The following PTPN2 variants were observed in gnomAD, a reference collection of about 807,000 sequenced individuals.
The protein encoded by PTPN2 is tyrosine-protein phosphatase non-receptor type 2.
A neutral mutation model predicts 57.3 loss-of-function variants in PTPN2; 19 were observed. That is an observed-to-expected ratio of 0.33 (90% CI 0.23 to 0.49). The LOEUF (loss-of-function observed/expected upper bound fraction) is 0.49. Among genes scored for constraint, PTPN2 ranks in the 20% least tolerant of loss-of-function variants. The probability of loss-of-function intolerance (pLI) is 0.99; values close to 1 mark genes in which losing one functional copy is unlikely to be tolerated. For synonymous variants in PTPN2, 153 were observed against 164.9 expected (o/e 0.93, Z 0.55); for missense variants, 358 against 501.1 (o/e 0.71, Z 2.73).
chr18:12,817,123 T>G, intron 6 of PTPN2, 33 bp downstream of exon 6: 1,878 of 1,549,254 alleles, frequency 1.2e-3, no homozygotes, highest in Non-Finnish European at 1.5e-3. Context: ...AAAAAATCAA[T>G]GAGATTAAAA....
At chr18:12,847,914 A>T (rs1598842448) in intron 2 of PTPN2, among the ~76,000 whole-genome samples, 1 of 135,174 alleles carries the variant, frequency 7.4e-6, no homozygotes, top group African/African-American at 3.4e-5. Context: ...TGAATATTTA[A>T]AAAAAAAAAA....
chr18:12,844,700 C>T (rs2043157754), intron 2 of PTPN2, among the ~76,000 whole-genome samples: 2 of 152,148 alleles, frequency 1.3e-5, no homozygotes, highest in South Asian at 4.1e-4. Context: ...AGTCTGTACT[C>T]ATCTTTTTGT....
intron 8 of PTPN2, among the ~76,000 whole-genome samples, chr18:12,796,340 C>A (rs2041184704): frequency 6.6e-6 from 1 of 152,130 alleles, no homozygotes; most frequent in African/African-American, 2.4e-5. Flanking sequence ...TTAAAAGTCA[C>A]TGAATTGTAT....
chr18:12,861,173 G>C (rs1009075089), intron 1 of PTPN2, among the ~76,000 whole-genome samples: 1 of 152,150 alleles, frequency 6.6e-6, no homozygotes. Flanking sequence ...GAAACATGAT[G>C]CACAAATTTC....
intron 4 of PTPN2, among the ~76,000 whole-genome samples, chr18:12,827,321 C>T (rs1239578871): frequency 2.1e-5 from 3 of 143,986 alleles, no homozygotes; most frequent in Non-Finnish European, 4.5e-5. Context: ...CCAGCCTGGG[C>T]GACAGAGCGA....
intron 5 of PTPN2, among the ~76,000 whole-genome samples, chr18:12,818,611 T>G (rs1276827917): frequency 2.0e-5 from 3 of 152,094 alleles, no homozygotes; most frequent in African/African-American, 7.2e-5. Flanking sequence ...GAAGCAGTGG[T>G]CTTCCACTAA....
chr18:12,788,907 A>G (rs1219558725), downstream of PTPN2, among the ~76,000 whole-genome samples: 1 of 152,190 alleles, frequency 6.6e-6, no homozygotes, highest in Non-Finnish European at 1.5e-5. Flanking sequence ...AAAAATAACC[A>G]AACTCATACT....
At chr18:12,872,676 G>A (rs9966378) in intron 1 of PTPN2, among the ~76,000 whole-genome samples, 20,282 of 152,032 alleles carry the variant, frequency 0.13, 2,693 homozygotes, top group African/African-American at 0.34. Flanking sequence ...CTAAGTTTGC[G>A]GGGGATTGTA....
chr18:12,825,059 G>A (rs2042401153), intron 5 of PTPN2, among the ~76,000 whole-genome samples: 1 of 152,130 alleles, frequency 6.6e-6, no homozygotes, highest in Admixed American at 6.6e-5. Context: ...CTGTACTCCA[G>A]CCTGGGTGGC....
intron 4 of PTPN2, among the ~76,000 whole-genome samples, chr18:12,829,891 T>C (rs996751207): frequency 6.6e-6 from 1 of 152,198 alleles, no homozygotes; most frequent in African/African-American, 2.4e-5. Flanking sequence ...AATAACACAT[T>C]ACCCACCACC....
At position 12,878,442 on chromosome 18, in the gene PTPN2, G is replaced by T. The variant is rs555805625; in HGVS notation, c.69+5631C>A. Among the ~76,000 whole-genome samples the T allele has an allele frequency of 3.3e-5, 5 of 152,322 alleles. No homozygotes were observed. The East Asian group carries it at 9.6e-4, about 29-fold the overall frequency. The stretch of plus-strand genomic sequence containing the variant: ...AGCAGCACTTTGGGAGGCCGAGGCA[G>T]GTGGATCACCTGAGGTCAGGAGTTC... On this transcript the variant is annotated intron_variant, in intron 1 of 8. Coordinates refer to ENST00000309660, the MANE Select transcript of PTPN2 (RefSeq NM_002828.4).
chr18:12,788,352 A>T (rs2040895320), downstream of PTPN2, among the ~76,000 whole-genome samples: 1 of 152,012 alleles, frequency 6.6e-6, no homozygotes, highest in African/African-American at 2.4e-5. Context: ...TTCTAAATTT[A>T]AAAAAATAAA....
At chr18:12,847,081 T>G (rs1413345065) in intron 2 of PTPN2, among the ~76,000 whole-genome samples, 1 of 151,326 alleles carries the variant, frequency 6.6e-6, no homozygotes, top group Admixed American at 6.6e-5. Context: ...GTTAAGGAAT[T>G]CACAATGTAA....
intron 1 of PTPN2, among the ~76,000 whole-genome samples, chr18:12,870,385 GTATATA>G (rs1227062555): frequency 1.2e-4 from 4 of 34,166 alleles, no homozygotes; most frequent in African/African-American, 2.4e-4. Context: ...ATATATATAC[GTATATA>G]TGTATATATA....
In PTPN2 at chr18:12,819,354, T is replaced by C. The variant is rs567337937; in HGVS notation, c.496-1989A>G. Reference sequence around the variant, plus strand: ...GTTTCTACGCTTTAAGACATTTATTTTTAAATTAATTATGGTAAGTGAACA... The same window carrying C: ...GTTTCTACGCTTTAAGACATTTATTCTTAAATTAATTATGGTAAGTGAACA... On this transcript the variant is annotated intron_variant, in intron 5 of 8. Coordinates refer to ENST00000309660, the MANE Select transcript of PTPN2 (RefSeq NM_002828.4). 564 of 690,388 alleles carry C rather than the reference T, an allele frequency of 8.2e-4. 6 individuals carry two copies. In the South Asian group the frequency reaches 8.2e-3, roughly 10 times the overall value. The allele number at this position is 690,388 out of a possible 1,614,324, so 42.8% of individuals were successfully genotyped here.
intron 3 of PTPN2, among the ~76,000 whole-genome samples, chr18:12,835,177 AATAGTAGTTTAAAAT>A (rs1243148112): frequency 6.6e-6 from 1 of 152,164 alleles, no homozygotes; most frequent in Admixed American, 6.5e-5. Context: ...TTTAACTCTA[AATAGTAGTTTAAAAT>A]ACAAATGCAC....
At chr18:12,862,914 T>G (rs112812977) in intron 1 of PTPN2, among the ~76,000 whole-genome samples, 15,743 of 58,516 alleles carry the variant, frequency 0.27, 1,018 homozygotes, top group Non-Finnish European at 0.44. Context: ...AAATCAGGTC[T>G]GTAATATACG....
chr18:12,876,815 T>C (rs1189091287), intron 1 of PTPN2, among the ~76,000 whole-genome samples: 1 of 152,198 alleles, frequency 6.6e-6, no homozygotes, highest in Non-Finnish European at 1.5e-5. Context: ...TCAAGTCTGA[T>C]CCCTGGATCC....
At chr18:12,868,178 T>G (rs1186706153) in intron 1 of PTPN2, among the ~76,000 whole-genome samples, 1 of 152,196 alleles carries the variant, frequency 6.6e-6, no homozygotes, top group Non-Finnish European at 1.5e-5. Context: ...AAGCTTCCAG[T>G]GCATGGGATT....
Sources: gnomAD v4.1 joint callset for allele counts (sites outside exome capture counted in the v4.1 genomes callset) on GRCh38, gnomAD v4.1.1 for gene constraint, MANE v1.5 for transcripts, NCBI Gene and HGNC (gene_info 2026-07-23, HGNC 2026-07-21) for gene names.